Variants in AGBL4 observed in about 807,000 individuals in gnomAD.
The protein encoded by AGBL4 is AGBL carboxypeptidase 4, also known as cytosolic carboxypeptidase 6.
AGBL4 carries 58 observed loss-of-function variants against 66.4 expected under a neutral mutation model. The observed-to-expected ratio is 0.87, with a 90% CI of 0.71 to 1.09. The LOEUF (loss-of-function observed/expected upper bound fraction) is 1.09. AGBL4 is among the 50% of genes least tolerant of loss of function. The probability of loss-of-function intolerance (pLI) is 0.00; values close to 1 mark genes in which losing one functional copy is unlikely to be tolerated. For missense variants in AGBL4, 579 were observed against 631.0 expected (o/e 0.92, Z 0.88); for synonymous variants, 234 against 222.9 (o/e 1.05, Z -0.44).
At chr1:48,717,695 A>G (rs1647075692) in intron 6 of AGBL4, among the ~76,000 whole-genome samples, 1 of 152,204 alleles carries the variant, frequency 6.6e-6, no homozygotes. Flanking sequence ...TCTTTGCCAT[A>G]TAGCACAGGG....
chr1:48,822,121 T>C (rs934415876), intron 6 of AGBL4, among the ~76,000 whole-genome samples: 6 of 152,290 alleles, frequency 3.9e-5, no homozygotes, highest in African/African-American at 1.2e-4. Flanking sequence ...TATAAAATGA[T>C]ACAAACACCT....
chr1:48,571,255 G>C (rs943482917), intron 11 of AGBL4, among the ~76,000 whole-genome samples: 1 of 152,246 alleles, frequency 6.6e-6, no homozygotes, highest in Non-Finnish European at 1.5e-5. Context: ...AGACATGTAT[G>C]ATTTCTGAGT....
At chr1:49,131,615 T>C (rs1464050583) in intron 4 of AGBL4, among the ~76,000 whole-genome samples, 1 of 151,954 alleles carries the variant, frequency 6.6e-6, no homozygotes. Flanking sequence ...TAAATGAACA[T>C]AACAGCATGC....
At chr1:48,960,039 A>G (rs912012470) in intron 5 of AGBL4, among the ~76,000 whole-genome samples, 2 of 152,178 alleles carry the variant, frequency 1.3e-5, no homozygotes, top group Admixed American at 1.3e-4. Flanking sequence ...TAGTGAGTGT[A>G]TATGAGGAAG....
intron 4 of AGBL4, among the ~76,000 whole-genome samples, chr1:49,091,134 T>C (rs1644996036): frequency 6.6e-6 from 1 of 152,116 alleles, no homozygotes; most frequent in Non-Finnish European, 1.5e-5. Flanking sequence ...ATAAAAATTC[T>C]AGAAGACAAC....
chr1:49,621,182 T>G (rs1645353675), intron 3 of AGBL4, among the ~76,000 whole-genome samples: 1 of 152,194 alleles, frequency 6.6e-6, no homozygotes, highest in Non-Finnish European at 1.5e-5. Context: ...TAAATTTAAT[T>G]TCCTCAACAA....
chr1:49,867,157 G>T (rs1646721613), intron 1 of AGBL4, among the ~76,000 whole-genome samples: 1 of 151,998 alleles, frequency 6.6e-6, no homozygotes, highest in Non-Finnish European at 1.5e-5. Flanking sequence ...GTCACACCTA[G>T]GTGTCTGCCA....
chr1:49,163,050 G>A (rs1208039812), intron 4 of AGBL4, among the ~76,000 whole-genome samples: 2 of 152,170 alleles, frequency 1.3e-5, no homozygotes, highest in African/African-American at 4.8e-5. Flanking sequence ...ATTTTATCAT[G>A]TCTGCATTCT....
At chr1:48,991,251 C>T (rs1660584506) in intron 5 of AGBL4, among the ~76,000 whole-genome samples, 1 of 152,062 alleles carries the variant, frequency 6.6e-6, no homozygotes, top group South Asian at 2.1e-4. Flanking sequence ...CTATAGTGTA[C>T]AATTTTTTTG....
intron 6 of AGBL4, among the ~76,000 whole-genome samples, chr1:48,811,348 G>C (rs1646045028): frequency 3.9e-5 from 6 of 152,180 alleles, no homozygotes; most frequent in Admixed American, 2.6e-4. Context: ...CAGTCACATA[G>C]ACCTCTAGTG....
intron 3 of AGBL4, among the ~76,000 whole-genome samples, chr1:49,594,828 T>C (rs982604481): frequency 2.6e-5 from 4 of 152,196 alleles, no homozygotes; most frequent in South Asian, 2.1e-4. Flanking sequence ...AATAAACATA[T>C]GTGTGCATGT....
At chr1:49,791,707 CT>C (rs1023853885) in intron 2 of AGBL4, among the ~76,000 whole-genome samples, 8 of 152,102 alleles carry the variant, frequency 5.3e-5, no homozygotes, top group African/African-American at 1.7e-4. Flanking sequence ...TCCCTACTAT[CT>C]TTTAGGTCTC....
chr1:49,579,628 T>A (rs143270375), intron 3 of AGBL4, among the ~76,000 whole-genome samples: 2,310 of 152,164 alleles, frequency 0.015, 23 homozygotes, highest in Non-Finnish European at 0.023. Context: ...GCCTCCCGAG[T>A]AGCTGGGACT....
At chr1:49,780,251 A>T (rs1557439248) in intron 2 of AGBL4, among the ~76,000 whole-genome samples, 1 of 152,138 alleles carries the variant, frequency 6.6e-6, no homozygotes, top group East Asian at 1.9e-4. Context: ...CTGTTAAATG[A>T]TTTTTAAAGC....
intron 4 of AGBL4, among the ~76,000 whole-genome samples, chr1:49,140,331 T>C (rs1022091050): frequency 6.6e-6 from 1 of 152,220 alleles, no homozygotes; most frequent in Non-Finnish European, 1.5e-5. Context: ...CCTCAAGATA[T>C]GTAAAATTGC....
In AGBL4 at chr1:49,340,645, G is replaced by C. The variant is rs531707707; in HGVS notation, c.283-94781C>G. Reference sequence around the variant, plus strand: ...AGGGCACTAGAGTAATCTTAAAAATGGATGCCCAAAGATATTTAAGTCCTA... The same window carrying C: ...AGGGCACTAGAGTAATCTTAAAAATCGATGCCCAAAGATATTTAAGTCCTA... On this transcript the variant is annotated intron_variant, in intron 3 of 13. Transcript: ENST00000371839. 1.8e-4 allele frequency among the ~76,000 whole-genome samples: 27 copies of C among 152,210 alleles called. No homozygotes were observed. The South Asian group carries it at 3.5e-3, about 20-fold the overall frequency.
In AGBL4 at chr1:48,734,763, C is replaced by T. The variant is rs568565919; in HGVS notation, c.635-71522G>A. 2.0e-5 allele frequency among the ~76,000 whole-genome samples: 3 copies of T among 152,358 alleles called. No homozygotes were observed. The South Asian group carries it at 6.2e-4, about 32-fold the overall frequency. ...TCTCCAACTACCCCAGTGAATGCAG[C>T]CCTCTCTGTCCTACCACATCATATG... On this transcript the variant is annotated intron_variant, in intron 6 of 13. Coordinates refer to ENST00000371839, the MANE Select transcript of AGBL4 (RefSeq NM_032785.4).
chr1:49,603,669 A>C (rs969225488), intron 3 of AGBL4, among the ~76,000 whole-genome samples: 1 of 152,164 alleles, frequency 6.6e-6, no homozygotes, highest in African/African-American at 2.4e-5. Flanking sequence ...TTACATTACA[A>C]GTGGTGTACA....
At chr1:49,877,065 C>T (rs1027429072) in intron 1 of AGBL4, among the ~76,000 whole-genome samples, 16 of 151,524 alleles carry the variant, frequency 1.1e-4, no homozygotes, top group East Asian at 3.9e-4. Flanking sequence ...TGGGCTGAGA[C>T]GATGGGGTTT....
Sources: gnomAD v4.1 joint callset for allele counts (sites outside exome capture counted in the v4.1 genomes callset) on GRCh38, gnomAD v4.1.1 for gene constraint, MANE v1.5 for transcripts, NCBI Gene and HGNC (gene_info 2026-07-23, HGNC 2026-07-21) for gene names.